The following TANGO6 variants were observed in gnomAD, a reference collection of about 807,000 sequenced individuals.
The protein encoded by TANGO6 is transport and golgi organization 6 homolog.
A neutral mutation model predicts 114.2 loss-of-function variants in TANGO6; 90 were observed. The ratio of observed to expected loss-of-function variants is 0.79; its 90% CI spans 0.66 to 0.94. TANGO6 has a LOEUF of 0.94. Among genes scored for constraint, TANGO6 ranks in the 40% least tolerant of loss-of-function variants. The probability of loss-of-function intolerance (pLI) is 0.00; values close to 1 mark genes in which losing one functional copy is unlikely to be tolerated. For synonymous variants in TANGO6, 477 were observed against 509.8 expected (o/e 0.94, Z 0.87); for missense variants, 1,274 against 1,315.3 (o/e 0.97, Z 0.49).
At chr16:68,942,806 A>G (rs1356331576) in intron 14 of TANGO6, among the ~76,000 whole-genome samples, 1 of 152,228 alleles carries the variant, frequency 6.6e-6, no homozygotes, top group African/African-American at 2.4e-5. Flanking sequence ...AAATGCAGTG[A>G]TGTATGACCT....
At chr16:69,015,069 A>C (rs1008917954) in intron 15 of TANGO6, among the ~76,000 whole-genome samples, 2 of 152,148 alleles carry the variant, frequency 1.3e-5, no homozygotes, top group African/African-American at 4.8e-5. Context: ...GGTACAATAC[A>C]GTCCTGAGAC....
chr16:68,956,104 TTGCACCAC>T (rs1379527694), intron 14 of TANGO6, among the ~76,000 whole-genome samples: 3 of 152,010 alleles, frequency 2.0e-5, no homozygotes, highest in Non-Finnish European at 2.9e-5. Context: ...TGGGCTGAGA[TTGCACCAC>T]TGCACTCCAG....
intron 15 of TANGO6, among the ~76,000 whole-genome samples, chr16:69,005,825 A>G (rs1964087388): frequency 1.3e-5 from 2 of 151,118 alleles, no homozygotes; most frequent in East Asian, 1.9e-4. Context: ...TTGAATCCTC[A>G]TTTTACCCAG....
intron 7 of TANGO6, among the ~76,000 whole-genome samples, chr16:68,886,996 TG>T (rs1379897247): frequency 6.7e-6 from 1 of 148,408 alleles, no homozygotes; most frequent in Non-Finnish European, 1.5e-5. Flanking sequence ...TTAGTAGAGA[TG>T]GGGTTTTACT....
chr16:69,014,895 CAAAAA>C (rs201424773), intron 15 of TANGO6, among the ~76,000 whole-genome samples: 1 of 97,258 alleles, frequency 1.0e-5, no homozygotes. Context: ...GACCTTGTCT[CAAAAA>C]AAAAAAAAAA....
At chr16:68,947,253 C>G (rs1963423281) in intron 14 of TANGO6, among the ~76,000 whole-genome samples, 1 of 151,970 alleles carries the variant, frequency 6.6e-6, no homozygotes, top group African/African-American at 2.4e-5. Flanking sequence ...GTCAGGAAAT[C>G]AAGACCATCC....
chr16:68,880,356 C>T (rs1031601273), intron 6 of TANGO6, among the ~76,000 whole-genome samples, 192 bp from the exon 7 acceptor site: 5 of 152,130 alleles, frequency 3.3e-5, no homozygotes, highest in African/African-American at 1.2e-4. Context: ...AATAACAATG[C>T]ATGTTTATAA....
At chr16:68,896,679 G>A (rs1408993210) in intron 7 of TANGO6, among the ~76,000 whole-genome samples, 4 of 152,136 alleles carry the variant, frequency 2.6e-5, no homozygotes, top group Admixed American at 6.6e-5. Context: ...GCTCAGTACC[G>A]AAGAAATTTA....
chr16:69,039,196 T>G (rs1165689200), intron 16 of TANGO6, among the ~76,000 whole-genome samples: 1 of 144,946 alleles, frequency 6.9e-6, no homozygotes, highest in Admixed American at 6.9e-5. Flanking sequence ...AAAAAAAAAA[T>G]TAGGCATGGT....
rs555949233 is a variant in TANGO6 at position 68,943,670 on chromosome 16, A to AT, written c.2701+13385dup. Among the ~76,000 whole-genome samples the AT allele has an allele frequency of 1.5e-4, 23 of 149,434 alleles. 1 individual carries two copies. Among genetic ancestry groups the AT allele is most frequent in the Admixed American group, 2.7e-4 (4 of 14,910 alleles). On this transcript the variant is annotated intron_variant, in intron 14 of 17. Transcript: ENST00000261778. ...GTGAGCCACCGCACCCGGCCAAGATATTTTTTTTTTAACAGTGTCTGTAAA... is the reference window on the plus strand; with the variant it reads ...GTGAGCCACCGCACCCGGCCAAGATATTTTTTTTTTTAACAGTGTCTGTAAA...
chr16:68,852,251 A>T (rs1860839556), intron 1 of TANGO6, among the ~76,000 whole-genome samples: 1 of 152,224 alleles, frequency 6.6e-6, no homozygotes, highest in African/African-American at 2.4e-5. Flanking sequence ...AGTACTTCAC[A>T]TACATATAGT....
At chr16:68,876,052 G>T (rs1311252471) in intron 5 of TANGO6, among the ~76,000 whole-genome samples, 1 of 152,080 alleles carries the variant, frequency 6.6e-6, no homozygotes, top group Non-Finnish European at 1.5e-5. Flanking sequence ...GAGATATTCT[G>T]TGTATTATGC....
At chr16:68,857,474 A>C (rs1962015645) in intron 1 of TANGO6, among the ~76,000 whole-genome samples, 1 of 152,148 alleles carries the variant, frequency 6.6e-6, no homozygotes, top group Non-Finnish European at 1.5e-5. Context: ...ATTATAAATA[A>C]AGCTACTGTA....
In TANGO6 at chr16:68,902,485, A is replaced by G. The variant is rs1251010109; in HGVS notation, c.1648A>G (p.Thr550Ala). The G allele has an allele frequency of 2.5e-6, 4 of 1,612,014 alleles. No homozygotes were observed. The highest frequency in any genetic ancestry group is 2.5e-6 in the Non-Finnish European group (3 of 1,179,124). The change falls in exon 9 of 18, where the codon ACC becomes GCC. Residue 550 changes from threonine to alanine, a missense_variant. Thr to Ala is a moderately conservative substitution (Grantham distance 58). Transcript: ENST00000261778. ...TGCCACTCAAGGTGGCATTATGATT[A>G]CCATCAAAGAGGCCATTAGGTGAGT... ...RVATQGGIMI[T>A]IKEAISDEDE...
At chr16:68,901,753 G>T (rs758326319) in intron 8 of TANGO6, among the ~76,000 whole-genome samples, 2 of 152,130 alleles carry the variant, frequency 1.3e-5, no homozygotes, top group Admixed American at 6.6e-5. Flanking sequence ...CTCACAAAAT[G>T]CTGGGATTAC....
intron 15 of TANGO6, among the ~76,000 whole-genome samples, chr16:68,982,630 CTT>C (rs562523656): frequency 1.7e-4 from 18 of 105,296 alleles, no homozygotes; most frequent in Non-Finnish European, 2.6e-4. Context: ...ATGCCCTGGC[CTT>C]TTTTTTTTTT....
chr16:69,018,435 A>C lies in TANGO6; in HGVS notation c.2843-4393A>C, dbSNP rs192485551. Among the ~76,000 whole-genome samples, 1,424 of 150,108 alleles carry C rather than the reference A, an allele frequency of 9.5e-3. 21 individuals are homozygous for C. Among genetic ancestry groups the C allele is most frequent in the African/African-American group, 0.033 (1,350 of 40,998 alleles). On this transcript the variant is annotated intron_variant, in intron 15 of 17. Transcript: ENST00000261778. ...AGTGCTGGGATTACAGGTGTGAGCC[A>C]CCGCGCCCGGCCGGAAATCTCTTAA...
intron 17 of TANGO6, among the ~76,000 whole-genome samples, chr16:69,067,951 A>G (rs901409451): frequency 1.2e-4 from 18 of 149,944 alleles, no homozygotes; most frequent in East Asian, 3.9e-4. Context: ...AAAAAAAAAA[A>G]AAAAAGAAAA....
intron 7 of TANGO6, among the ~76,000 whole-genome samples, chr16:68,897,701 C>T (rs1962724644): frequency 6.6e-6 from 1 of 151,772 alleles, no homozygotes; most frequent in South Asian, 2.1e-4. Flanking sequence ...GCCTCAGCTT[C>T]CCAAGTAGCT....
Sources: allele counts gnomAD v4.1 joint callset (sites outside exome capture counted in the v4.1 genomes callset), GRCh38; gene constraint gnomAD v4.1.1; transcripts MANE v1.5; gene names NCBI Gene and HGNC (gene_info 2026-07-23, HGNC 2026-07-21).